Variants in KLHL8 observed in about 807,000 individuals in gnomAD.
KLHL8 encodes kelch-like protein 8.
KLHL8 carries 38 observed loss-of-function variants against 63.5 expected under a neutral mutation model. The observed-to-expected ratio is 0.60, with a 90% CI of 0.46 to 0.78. The LOEUF (loss-of-function observed/expected upper bound fraction) is 0.78. Ranked by LOEUF, KLHL8 falls within the 30% of genes least tolerant of loss-of-function variation. The probability of loss-of-function intolerance (pLI) is 0.00; values close to 1 mark genes in which losing one functional copy is unlikely to be tolerated. For missense variants in KLHL8, 566 were observed against 752.4 expected (o/e 0.75, Z 2.90); for synonymous variants, 224 against 254.3 (o/e 0.88, Z 1.13).
intron 1 of KLHL8, among the ~76,000 whole-genome samples, chr4:87,238,277 C>T (rs13137873): frequency 0.18 from 27,722 of 152,120 alleles, 3,105 homozygotes; most frequent in East Asian, 0.43. Flanking sequence ...CTGGATTTCT[C>T]ACCAAGCATA....
chr4:87,211,423 A>T (rs1245215456), intron 1 of KLHL8, among the ~76,000 whole-genome samples: 2 of 152,206 alleles, frequency 1.3e-5, no homozygotes, highest in East Asian at 3.8e-4. Flanking sequence ...GGTTTGAAAA[A>T]CTGTATAATA....
intron 1 of KLHL8, among the ~76,000 whole-genome samples, chr4:87,198,028 C>A (rs924781099): frequency 1.9e-4 from 28 of 146,726 alleles, no homozygotes; most frequent in African/African-American, 5.0e-4. Context: ...AAAAAAAAAA[C>A]CACTTAGTGG....
chr4:87,206,471 AACT>A, intron 1 of KLHL8, among the ~76,000 whole-genome samples: 1 of 152,158 alleles, frequency 6.6e-6, no homozygotes, highest in Middle Eastern at 3.4e-3. Context: ...AAGATGGAAA[AACT>A]ACTTATTAAA....
At chr4:87,226,624 ATATATTACT>A (rs1394600075) in intron 1 of KLHL8, among the ~76,000 whole-genome samples, 23 of 93,840 alleles carry the variant, frequency 2.5e-4, no homozygotes, top group African/African-American at 7.0e-4. Flanking sequence ...TATAAATAAT[ATATATTACT>A]TATATAAATA....
intron 6 of KLHL8, among the ~76,000 whole-genome samples, chr4:87,175,327 A>C (rs1730781664): frequency 6.6e-6 from 1 of 152,110 alleles, no homozygotes; most frequent in Non-Finnish European, 1.5e-5. Context: ...CTAAGGCTTC[A>C]CTTCTTTTAA....
chr4:87,160,264 A>C lies in KLHL8; in HGVS notation c.*3255T>G, dbSNP rs1730107984. Reference sequence around the variant, plus strand: ...TTATAAATGGTTTTAAGAAAATATTATAGAGAAGTTTTACTGACACTTGGA... The same window carrying C: ...TTATAAATGGTTTTAAGAAAATATTCTAGAGAAGTTTTACTGACACTTGGA... On this transcript the variant is annotated 3_prime_UTR_variant, in exon 10 of 10. Transcript: ENST00000273963. 6.6e-6 allele frequency: 1 copy of C among 152,210 alleles called. No individual in the cohort carries two copies. The highest frequency in any genetic ancestry group is 2.1e-4 in the South Asian group (1 of 4,834). 9.4% of individuals were successfully genotyped at this position (152,210 alleles called of 1,614,324 possible).
chr4:87,219,318 G>C (rs987828375), intron 1 of KLHL8, among the ~76,000 whole-genome samples: 2 of 152,144 alleles, frequency 1.3e-5, no homozygotes, highest in African/African-American at 4.8e-5. Flanking sequence ...TGCGCGAAGA[G>C]GATTTCCTTC....
At chr4:87,232,175 T>G (rs764198174) in intron 1 of KLHL8, among the ~76,000 whole-genome samples, 2 of 152,256 alleles carry the variant, frequency 1.3e-5, no homozygotes, top group South Asian at 4.1e-4. Context: ...TCTCCCATAG[T>G]AAACACTATC....
intron 2 of KLHL8, 147 bp from the exon 3 acceptor site, chr4:87,185,946 A>C: frequency 1.5e-6 from 1 of 661,062 alleles, no homozygotes; most frequent in East Asian, 2.7e-5. Context: ...CTTACTTTCA[A>C]GTAGGCCAGT....
chr4:87,231,143 C>T (rs1348824153), intron 1 of KLHL8, among the ~76,000 whole-genome samples: 5 of 152,160 alleles, frequency 3.3e-5, no homozygotes, highest in African/African-American at 4.8e-5. Flanking sequence ...AAAATCACAG[C>T]GGCCTCACCT....
intron 8 of KLHL8, among the ~76,000 whole-genome samples, chr4:87,164,941 G>C (rs569747895): frequency 6.6e-6 from 1 of 152,028 alleles, no homozygotes; most frequent in Non-Finnish European, 1.5e-5. Context: ...GAGGTCAGGA[G>C]ATCGAGACCA....
chr4:87,179,570 G>T (rs183765445), intron 4 of KLHL8, among the ~76,000 whole-genome samples: 15 of 152,060 alleles, frequency 9.9e-5, no homozygotes, highest in African/African-American at 3.6e-4. Flanking sequence ...AGGCCAGGAG[G>T]TGGAAACCAG....
chr4:87,234,436 C>A (rs77639851), intron 1 of KLHL8, among the ~76,000 whole-genome samples: 193 of 131,748 alleles, frequency 1.5e-3, no homozygotes, highest in Middle Eastern at 3.8e-3. Flanking sequence ...GTCTCTGTCT[C>A]AAAAAAAAAA....
At chr4:87,204,050 A>G (rs79661827) in intron 1 of KLHL8, among the ~76,000 whole-genome samples, 1,736 of 152,332 alleles carry the variant, frequency 0.011, 37 homozygotes, top group African/African-American at 0.039. Flanking sequence ...CATCACTGCC[A>G]TTACGTAAAT....
Position 87,220,139 on chromosome 4 carries a change from A to T in KLHL8, c.-152+279T>A, listed in dbSNP as rs577480392. 2.6e-5 allele frequency: 4 copies of T among 152,552 alleles called. No individual in the cohort carries two copies. In the South Asian group the frequency reaches 8.3e-4, roughly 32 times the overall value. 9.4% of individuals were successfully genotyped at this position (152,552 alleles called of 1,614,324 possible). ...GCTCCCCTACGGGAGCCGGGAGCAT[A>T]ACCCTGCTCCTCCCGCCAATGGGGG... On this transcript the variant is annotated intron_variant, in intron 1 of 9. Coordinates refer to ENST00000273963, the MANE Select transcript of KLHL8 (RefSeq NM_020803.5).
chr4:87,209,848 G>GTT lies in KLHL8; in HGVS notation c.-152+10568_-152+10569dup, dbSNP rs35717106. The stretch of plus-strand genomic sequence containing the variant: ...AATGGCACTTGGTGTTCCGTTTTGG[G>GTT]TTTTTTTTTTTTTTTTTTTTTTGAG... On this transcript the variant is annotated intron_variant, in intron 1 of 9. Transcript: ENST00000273963. Among the ~76,000 whole-genome samples the GTT allele has an allele frequency of 5.0e-3, 528 of 105,354 alleles. 4 individuals carry two copies. Among genetic ancestry groups the GTT allele is most frequent in the African/African-American group, 8.3e-3 (253 of 30,454 alleles). 69.1% of individuals were successfully genotyped at this position (105,354 alleles called of 152,430 possible).
upstream of KLHL8, among the ~76,000 whole-genome samples, chr4:87,223,572 T>C (rs900962698): frequency 6.6e-6 from 1 of 152,022 alleles, no homozygotes; most frequent in Admixed American, 6.6e-5. Flanking sequence ...CAGTGAATAA[T>C]GAAAAGGTAT....
chr4:87,180,663 G>T (rs911677761), intron 4 of KLHL8, among the ~76,000 whole-genome samples: 22 of 152,176 alleles, frequency 1.4e-4, no homozygotes, highest in African/African-American at 5.3e-4. Flanking sequence ...ATAAAGGTTT[G>T]CTGAATGACT....
chr4:87,190,598 C>T (rs1417143101), intron 2 of KLHL8, among the ~76,000 whole-genome samples: 3 of 150,042 alleles, frequency 2.0e-5, no homozygotes, highest in East Asian at 3.9e-4. Flanking sequence ...GAGCCAAGAT[C>T]GTGCCATTGC....
Sources: allele counts gnomAD v4.1 joint callset (sites outside exome capture counted in the v4.1 genomes callset), GRCh38; gene constraint gnomAD v4.1.1; transcripts MANE v1.5; gene names NCBI Gene and HGNC (gene_info 2026-07-23, HGNC 2026-07-21).